The following LYVE1 variants were observed in gnomAD, a reference collection of about 807,000 sequenced individuals.
LYVE1 encodes lymphatic vessel endothelial hyaluronan receptor 1.
LYVE1 carries 29 observed loss-of-function variants against 31.5 expected under a neutral mutation model. The observed-to-expected ratio is 0.92, with a 90% CI of 0.69 to 1.26. LYVE1 has a LOEUF of 1.26. Among genes scored for constraint, LYVE1 ranks in the 50% most tolerant of loss-of-function variants. LYVE1 has a pLI of 0.00. For synonymous variants in LYVE1, 134 were observed against 139.4 expected (o/e 0.96, Z 0.27); for missense variants, 376 against 380.2 (o/e 0.99, Z 0.09).
Position 10,558,051 on chromosome 11 carries a change from A to G in LYVE1, c.*1060T>C, listed in dbSNP as rs1850347625. 1.3e-5 allele frequency: 2 copies of G among 152,264 alleles called. No individual in the cohort carries two copies. The highest frequency in any genetic ancestry group is 6.5e-5 in the Admixed American group (1 of 15,288). 9.4% of individuals were successfully genotyped at this position (152,264 alleles called of 1,614,324 possible). ...ATAAATTAAGGTTATAATGGTTGCC[A>G]TATTAGAGAAAATGAATAAGATTAG... On this transcript the variant is annotated 3_prime_UTR_variant, in exon 6 of 6. Coordinates refer to ENST00000256178, the MANE Select transcript of LYVE1 (RefSeq NM_006691.4).
Position 10,559,145 on chromosome 11 carries a change from T to C in LYVE1, c.935A>G (p.Lys312Arg), listed in dbSNP as rs765583615. ...KNPEESKSPS[K>R]TTVRCLEAEV ...AGCTTCCAGGCATCGCACGGTAGTTTTGCTTGGACTCTTGGACTCTTCTGG... is the reference window on the plus strand; with the variant it reads ...AGCTTCCAGGCATCGCACGGTAGTTCTGCTTGGACTCTTGGACTCTTCTGG... The change falls in exon 6 of 6, where the codon AAA becomes AGA. Residue 312 changes from lysine (K) to arginine (R), a missense_variant. By Grantham distance (26) the Lys-to-Arg change is conservative. Transcript: ENST00000256178. 1 of 1,614,106 alleles carries C rather than the reference T, an allele frequency of 6.2e-7. No homozygotes were observed.
In LYVE1 at chr11:10,564,060, C is replaced by T. The variant is rs952257251; in HGVS notation, c.277G>A (p.Gly93Arg). ...ETCSYGWVGD[G>R]FVVISRISPN... ...CTAATCCTAGAGATGACCACGAATC[C>T]ATCTCCAACCCAGCCATAGCTGTAA... is the stretch of plus-strand genomic sequence containing the variant. Residue 93 changes from glycine (G) to arginine (R), a missense_variant, in exon 3 of 6, where the codon GGA (glycine) becomes AGA (arginine). Transcript: ENST00000256178. The T allele has an allele frequency of 5.6e-6, 9 of 1,614,074 alleles. No individual in the cohort carries two copies. In the Admixed American group the frequency reaches 1.3e-4, roughly 24 times the overall value.
intron 1 of LYVE1, among the ~76,000 whole-genome samples, chr11:10,565,640 T>A (rs1267152411): frequency 6.6e-6 from 1 of 151,868 alleles, no homozygotes; most frequent in Non-Finnish European, 1.5e-5. Context: ...CAATTATGCC[T>A]GATTCTAAAA....
chr11:10,562,525 C>T (rs550375204), intron 3 of LYVE1, among the ~76,000 whole-genome samples: 2 of 152,298 alleles, frequency 1.3e-5, no homozygotes, highest in Non-Finnish European at 2.9e-5. Context: ...CTCGGATCTT[C>T]GAGAATGATC....
chr11:10,563,473 T>C (rs1158086396), intron 3 of LYVE1, among the ~76,000 whole-genome samples: 2 of 152,184 alleles, frequency 1.3e-5, no homozygotes. Context: ...TGATTTAAAG[T>C]GTACAGGAGG....
In LYVE1 at chr11:10,557,064, C is replaced by T. The variant is rs777830201; in HGVS notation, c.*2047G>A. On this transcript the variant is annotated 3_prime_UTR_variant, in exon 6 of 6. Coordinates refer to ENST00000256178, the MANE Select transcript of LYVE1 (RefSeq NM_006691.4). ...GGATGAAGCTGATAAAGCTTAAGGA[C>T]TGACAAACCAGTTTCAAACTCATAG... 2 of 151,908 alleles carry T rather than the reference C, an allele frequency of 1.3e-5. No homozygotes were observed. The highest frequency in any genetic ancestry group is 2.9e-5 in the Non-Finnish European group (2 of 68,022). 9.4% of individuals were successfully genotyped at this position (151,908 alleles called of 1,614,324 possible).
Position 10,568,518 on chromosome 11 carries a change from G to GAA in LYVE1, c.13_14dup (p.Leu7AlafsTer39). The stretch of plus-strand genomic sequence containing the variant: ...TGGAAGTGAGAAGCAACACCAGGCT[G>GAA]AAGCACCTGGCCATCGTGCCTACCC... On this transcript the variant is annotated frameshift_variant, in exon 1 of 6. Coordinates refer to ENST00000256178, the MANE Select transcript of LYVE1 (RefSeq NM_006691.4). LOFTEE classifies it high-confidence loss of function. The GAA allele has an allele frequency of 6.2e-7, 1 of 1,613,902 alleles. No homozygotes were observed. The highest frequency in any genetic ancestry group is 1.3e-5 in the African/African-American group (1 of 75,050).
intron 1 of LYVE1, among the ~76,000 whole-genome samples, chr11:10,566,431 G>A (rs1420252901): frequency 2.0e-5 from 3 of 152,166 alleles, no homozygotes; most frequent in East Asian, 3.9e-4. Flanking sequence ...TCTTAACAAT[G>A]ACACTGTTTT....
chr11:10,563,834 G>T, intron 3 of LYVE1, 106 bp downstream of exon 3: 1 of 1,389,576 alleles, frequency 7.2e-7, no homozygotes, highest in Non-Finnish European at 1.0e-6. Flanking sequence ...AGATGGCCGT[G>T]GCTGTGATTG....
At position 10,563,995 on chromosome 11, in the gene LYVE1, C is replaced by T. The variant is rs561459826; in HGVS notation, c.342G>A (p.Leu114=). ...PKCGKNGVGV[L]IWKVPVSRQF... is the part of the protein sequence containing the mutation. ...GTCGGCTCACTGGAACCTTCCAAAT[C>T]AGGACACCCACCCCATTTTTCCCAC... Residue 114 remains leucine, a synonymous_variant, in exon 3 of 6, where the codon CTG becomes CTA. Coordinates refer to ENST00000256178, the MANE Select transcript of LYVE1 (RefSeq NM_006691.4). 6 of 1,614,208 alleles carry T rather than the reference C, an allele frequency of 3.7e-6. No individual in the cohort carries two copies. In the African/African-American group the frequency reaches 5.3e-5, roughly 14 times the overall value.
chr11:10,565,860 G>C (rs1477419686), intron 1 of LYVE1, among the ~76,000 whole-genome samples: 1 of 151,938 alleles, frequency 6.6e-6, no homozygotes, highest in Non-Finnish European at 1.5e-5. Flanking sequence ...GCCCAGGCTG[G>C]AGTGCAATAG....
intron 5 of LYVE1, 58 bp from the exon 6 acceptor site, chr11:10,559,355 A>G: frequency 1.4e-6 from 2 of 1,448,110 alleles, no homozygotes; most frequent in Non-Finnish European, 1.9e-6. Context: ...GATAGATAAC[A>G]CTTTTTGGCC....
At chr11:10,565,030 C>G (rs1850508174) in intron 1 of LYVE1, among the ~76,000 whole-genome samples, 1 of 152,144 alleles carries the variant, frequency 6.6e-6, no homozygotes, top group Non-Finnish European at 1.5e-5. Flanking sequence ...GCTCTGTGAC[C>G]TTAGCCTAGA....
intron 3 of LYVE1, among the ~76,000 whole-genome samples, chr11:10,561,985 A>T: frequency 6.6e-6 from 1 of 152,112 alleles, no homozygotes; most frequent in Non-Finnish European, 1.5e-5. Flanking sequence ...TAAAATAATA[A>T]AATAAAATTA....
At chr11:10,566,750 G>T (rs1850551633) in intron 1 of LYVE1, among the ~76,000 whole-genome samples, 1 of 152,132 alleles carries the variant, frequency 6.6e-6, no homozygotes, top group South Asian at 2.1e-4. Flanking sequence ...TTAACTGGCT[G>T]TTGCGACATC....
rs1316686850 is a variant in LYVE1 at position 10,557,828 on chromosome 11, T to C, written c.*1283A>G. 1 of 152,226 alleles carries C rather than the reference T, an allele frequency of 6.6e-6. No individual in the cohort carries two copies. The highest frequency in any genetic ancestry group is 1.5e-5 in the Non-Finnish European group (1 of 68,036). 9.4% of individuals were successfully genotyped at this position (152,226 alleles called of 1,614,324 possible). ...ATCTGGTCCTCACTTTAATTTTACA[T>C]GAAAGGTATAATGCATCTACGTAAA... On this transcript the variant is annotated 3_prime_UTR_variant, in exon 6 of 6. Transcript: ENST00000256178.
At position 10,566,110 on chromosome 11, in the gene LYVE1, CT is replaced by C. The variant is rs1190578967; in HGVS notation, c.86-1737del. On this transcript the variant is annotated intron_variant, in intron 1 of 5. Transcript: ENST00000256178. The stretch of plus-strand genomic sequence containing the variant: ...CAGGCGTGAGCCACTGTGCCTGGCC[CT>C]TTTTTTTTTCTTTTTTGAGACAGAG... Among the ~76,000 whole-genome samples the C allele has an allele frequency of 2.3e-3, 344 of 147,998 alleles. 1 individual carries two copies. The highest frequency in any genetic ancestry group is 0.017 in the Middle Eastern group (5 of 286).
chr11:10,563,863 G>T (rs1850480804), intron 3 of LYVE1, 77 bp downstream of exon 3: 19 of 1,560,962 alleles, frequency 1.2e-5, no homozygotes, highest in Admixed American at 1.7e-5. Context: ...GCTGCTCAGG[G>T]TTACTCTTCC....
intron 1 of LYVE1, 83 bp from the exon 2 acceptor site, chr11:10,564,457 G>A (rs553264013): frequency 1.1e-5 from 14 of 1,301,886 alleles, no homozygotes; most frequent in Middle Eastern, 2.0e-4. Flanking sequence ...AGAGTATATC[G>A]TCCTGATGCG....
Sources: gnomAD v4.1 joint callset for allele counts (sites outside exome capture counted in the v4.1 genomes callset) on GRCh38, gnomAD v4.1.1 for gene constraint, MANE v1.5 for transcripts, NCBI Gene and HGNC (gene_info 2026-07-23, HGNC 2026-07-21) for gene names.